Variants in HECTD4 observed in about 807,000 individuals in gnomAD.
HECTD4 encodes the protein probable E3 ubiquitin-protein ligase HECTD4.
HECTD4 carries 114 observed loss-of-function variants against 471.5 expected under a neutral mutation model. That is an observed-to-expected ratio of 0.24 (90% CI 0.21 to 0.28). The LOEUF is 0.28. HECTD4 is among the 10% of genes least tolerant of loss of function. The probability of loss-of-function intolerance (pLI) is 1.00; values close to 1 mark genes in which losing one functional copy is unlikely to be tolerated. For missense variants in HECTD4, 3,866 were observed against 5,651.5 expected (o/e 0.68, Z 10.13); for synonymous variants, 2,012 against 2,256.0 (o/e 0.89, Z 3.07).
intron 18 of HECTD4, among the ~76,000 whole-genome samples, chr12:112,259,700 A>G (rs2034101913): frequency 6.6e-6 from 1 of 152,066 alleles, no homozygotes; most frequent in Non-Finnish European, 1.5e-5. Flanking sequence ...AGGTTGCTAC[A>G]TGGTGCATTT....
intron 2 of HECTD4, among the ~76,000 whole-genome samples, chr12:112,315,872 G>A (rs1175942954): frequency 3.5e-5 from 5 of 141,438 alleles, no homozygotes; most frequent in African/African-American, 1.3e-4. Flanking sequence ...CTCCAGCCTA[G>A]GCAACGGAAT....
chr12:112,162,721 C>T lies in HECTD4; in HGVS notation c.13121-198G>A, dbSNP rs1593880751. The T allele has an allele frequency of 3.2e-5, 20 of 616,026 alleles. 1 individual carries two copies. Among genetic ancestry groups the T allele is most frequent in the South Asian group, 3.1e-4 (14 of 45,242 alleles). 38.2% of individuals were successfully genotyped at this position (616,026 alleles called of 1,614,324 possible). On this transcript the variant is annotated intron_variant, in intron 75 of 75. Transcript: ENST00000682272. This position sits in a 1 kb window ranked among gnomAD's most constrained non-coding sequence, Gnocchi z 5.2. ...AAAAGGGGAGAGAGCTGCTGGACAG[C>T]GCATGTGCCAAACTGCTGATGGGTT... is the stretch of plus-strand genomic sequence containing the variant.
At chr12:112,364,439 C>T (rs1332561322) in intron 1 of HECTD4, among the ~76,000 whole-genome samples, 4 of 151,090 alleles carry the variant, frequency 2.6e-5, no homozygotes, top group African/African-American at 9.7e-5. Context: ...AAATAAAAGG[C>T]AAAATGTATG....
Position 112,195,082 on chromosome 12 carries a change from T to C in HECTD4, c.8568-16A>G. 6.3e-7 allele frequency: 1 copy of C among 1,578,860 alleles called. No individual in the cohort carries two copies. Among genetic ancestry groups the C allele is most frequent in the Non-Finnish European group, 8.6e-7 (1 of 1,163,862 alleles). On this transcript the variant is annotated splice_polypyrimidine_tract_variant and intron_variant, in intron 55 of 75. Transcript: ENST00000682272. ...CAGCAGCTCCCTGCAAGGGAAAAGGTGGGTGAGATACTCAAAGCCCTGATG... is the reference window on the plus strand; with the variant it reads ...CAGCAGCTCCCTGCAAGGGAAAAGGCGGGTGAGATACTCAAAGCCCTGATG...
chr12:112,229,424 C>A (rs1416188197), intron 41 of HECTD4, among the ~76,000 whole-genome samples: 1 of 152,172 alleles, frequency 6.6e-6, no homozygotes, highest in East Asian at 1.9e-4. Flanking sequence ...TCCTTCCATT[C>A]TAATTCCATC....
At chr12:112,254,274 G>T in intron 21 of HECTD4, 112 bp from the exon 22 acceptor site, 1 of 1,314,536 alleles carries the variant, frequency 7.6e-7, no homozygotes. Context: ...CCAGGCATTG[G>T]TGTCATTATA....
chr12:112,247,568 G>T lies in HECTD4; in HGVS notation c.4249-18C>A. The stretch of plus-strand genomic sequence containing the variant: ...ATTTTGTTCTAAAGAAAAAAAAGAT[G>T]GTATGCAGAATCTGCAAGAACCAAG... On this transcript the variant is annotated intron_variant, in intron 27 of 75. Coordinates refer to ENST00000682272, the MANE Select transcript of HECTD4 (RefSeq NM_001388303.1). 1 of 1,318,244 alleles carries T rather than the reference G, an allele frequency of 7.6e-7. No homozygotes were observed. Among genetic ancestry groups the T allele is most frequent in the South Asian group, 1.5e-5 (1 of 68,364 alleles). The allele number at this position is 1,318,244 out of a possible 1,614,324, so 81.7% of individuals were successfully genotyped here.
Position 112,228,942 on chromosome 12 carries a change from T to G in HECTD4, c.6520-131A>C. The G allele has an allele frequency of 1.2e-6, 1 of 847,704 alleles. No homozygotes were observed. The highest frequency in any genetic ancestry group is 2.4e-5 in the Admixed American group (1 of 41,526). The allele number at this position is 847,704 out of a possible 1,614,324, so 52.5% of individuals were successfully genotyped here. ...ACAGTAATAGTTTATACTACTAGGG[T>G]AGCAGATACCAAGCCCTAGACATGA... On this transcript the variant is annotated intron_variant, in intron 41 of 75. Transcript: ENST00000682272. The surrounding 1 kb of genome is among the most constrained non-coding windows in gnomAD (Gnocchi z 4.9).
rs371644933 is a variant in HECTD4 at position 112,265,256 on chromosome 12, A to G, written c.2538T>C (p.Val846=). The G allele has an allele frequency of 5.7e-6, 9 of 1,588,878 alleles. No individual in the cohort carries two copies. In the South Asian group the frequency reaches 6.9e-5, roughly 12 times the overall value. The change falls in exon 16 of 76, where the codon GTT becomes GTC. Residue 846 remains valine (V), a synonymous_variant. Transcript: ENST00000682272. The stretch of plus-strand genomic sequence containing the variant: ...TGATTAAGATACAGGATTCTCGTAC[A>G]ACAATCTTCAGAATGTAGTGTAAAA... The part of the protein sequence containing the change: ...DELLHYILKI[V]VRESCILITK...
intron 1 of HECTD4, among the ~76,000 whole-genome samples, chr12:112,357,437 G>C (rs1439803735): frequency 1.3e-5 from 2 of 152,188 alleles, no homozygotes; most frequent in Non-Finnish European, 2.9e-5. Context: ...GCTAAGGTGG[G>C]AAGATAGCTT....
Position 112,185,509 on chromosome 12 carries a change from A to G in HECTD4, c.9473-16T>C, listed in dbSNP as rs1448003907. 3.3e-6 allele frequency: 5 copies of G among 1,522,572 alleles called. No homozygotes were observed. Among genetic ancestry groups the G allele is most frequent in the Non-Finnish European group, 4.4e-6 (5 of 1,130,014 alleles). The allele number at this position is 1,522,572 out of a possible 1,614,324, so 94.3% of individuals were successfully genotyped here. A position where few individuals can be genotyped will look rare whatever the true frequency, so the allele number is the denominator to read the frequency against. On this transcript the variant is annotated splice_polypyrimidine_tract_variant and intron_variant, in intron 60 of 75. Transcript: ENST00000682272. Reference sequence around the variant, plus strand: ...AAGAAGTTTCCTGAGGCAAATGAAAATAGTAACAGTAATTACTATGCAGCA... The same window carrying G: ...AAGAAGTTTCCTGAGGCAAATGAAAGTAGTAACAGTAATTACTATGCAGCA...
intron 44 of HECTD4, 27 bp downstream of exon 44, chr12:112,226,616 G>A (rs1257925672): frequency 7.0e-7 from 1 of 1,432,040 alleles, no homozygotes; most frequent in African/African-American, 1.4e-5. Context: ...AATAAAACAG[G>A]GTGGTAAGGC....
At position 112,231,447 on chromosome 12, in the gene HECTD4, A is replaced by C. The variant is rs576962746; in HGVS notation, c.6200+66T>G. 56 of 1,501,852 alleles carry C rather than the reference A, an allele frequency of 3.7e-5. No individual in the cohort carries two copies. The East Asian group carries it at 1.3e-3, about 34-fold the overall frequency. The allele number at this position is 1,501,852 out of a possible 1,614,324, so 93.0% of individuals were successfully genotyped here. ...GGGATGGTAGAAAATTAAAAAGCTA[A>C]AAACAAACCCATTATAAAGTAAACC... On this transcript the variant is annotated intron_variant, in intron 39 of 75. Transcript: ENST00000682272.
intron 1 of HECTD4, among the ~76,000 whole-genome samples, chr12:112,366,441 G>A (rs1289297834): frequency 6.6e-6 from 1 of 152,056 alleles, no homozygotes; most frequent in Non-Finnish European, 1.5e-5. Flanking sequence ...GATTGCTTGA[G>A]CTCAGGAAAT....
intron 1 of HECTD4, among the ~76,000 whole-genome samples, chr12:112,358,419 C>T (rs2036385638): frequency 6.6e-6 from 1 of 151,734 alleles, no homozygotes; most frequent in Non-Finnish European, 1.5e-5. Flanking sequence ...AGTTCAAGAC[C>T]AGCTTGAACA....
At chr12:112,277,944 TG>T (rs1278001173) in intron 9 of HECTD4, among the ~76,000 whole-genome samples, 2 of 152,200 alleles carry the variant, frequency 1.3e-5, no homozygotes, top group African/African-American at 4.8e-5. Flanking sequence ...GATTTTTACA[TG>T]TCTGTCTGCA....
rs1310753793 is a variant in HECTD4, at chr12:112,184,977, G to A, written c.9989C>T (p.Ser3330Phe). ...GGGGTCCGAGTCCACGGTGCGGGAAGACTGGCGCTTGCCCGACGAGGAGGC... is the reference window on the plus strand; with the variant it reads ...GGGGTCCGAGTCCACGGTGCGGGAAAACTGGCGCTTGCCCGACGAGGAGGC... ...EKASSSGKRQ[S>F]SRTVDSDPTV... Residue 3330 changes from serine (S) to phenylalanine (F), a missense_variant, in exon 61 of 76, where the codon TCT becomes TTT. Physicochemically the swap from Ser to Phe is radical, Grantham distance 155. Around this residue, in one of 16 missense-constraint regions of HECTD4, gnomAD observed 57 missense variants for 49.8 expected, o/e 1.14. Coordinates refer to ENST00000682272, the MANE Select transcript of HECTD4 (RefSeq NM_001388303.1). This position sits in a 1 kb window ranked among gnomAD's most constrained non-coding sequence, Gnocchi z 9.1. 5.0e-6 allele frequency: 8 copies of A among 1,613,258 alleles called. No individual in the cohort carries two copies. Among genetic ancestry groups the A allele is most frequent in the Non-Finnish European group, 6.8e-6 (8 of 1,179,672 alleles).
At chr12:112,325,774 AT>A (rs1347769233) in intron 1 of HECTD4, among the ~76,000 whole-genome samples, 6 of 150,754 alleles carry the variant, frequency 4.0e-5, no homozygotes, top group South Asian at 2.1e-4. Flanking sequence ...GCCTTCATGT[AT>A]TTTTTTTAAT....
intron 52 of HECTD4, among the ~76,000 whole-genome samples, chr12:112,207,116 G>GTGTATGTATGTATGTATGTATGTATGTA (rs149725381): frequency 1.4e-5 from 2 of 147,332 alleles, no homozygotes; most frequent in African/African-American, 5.2e-5. Flanking sequence ...ATGTGTGTGT[G>GTGTATGTATGTATGTATGTATGTATGTA]TGTATGTATG....
Sources: allele counts gnomAD v4.1 joint callset (sites outside exome capture counted in the v4.1 genomes callset), GRCh38; gene constraint gnomAD v4.1.1; regional missense constraint gnomAD v4.1.1; non-coding constraint Gnocchi (gnomAD v3.1); transcripts MANE v1.5; gene names NCBI Gene and HGNC (gene_info 2026-07-23, HGNC 2026-07-21).